The following PER2 variants were observed in gnomAD, a reference collection of about 807,000 sequenced individuals.
PER2 encodes period circadian protein homolog 2.
Under a neutral mutation model 121.0 loss-of-function variants are expected in PER2, and 66 were observed. The ratio of observed to expected loss-of-function variants is 0.55; its 90% CI spans 0.45 to 0.67. The LOEUF is 0.67. PER2 is among the 30% of genes least tolerant of loss of function. The pLI, the probability that PER2 is intolerant of heterozygous loss-of-function variation, is 0.00. For synonymous variants in PER2, 684 were observed against 659.9 expected, an observed-to-expected ratio of 1.04 and a Z score of -0.56; for missense variants, 1,521 against 1,635.0, an observed-to-expected ratio of 0.93 and a Z score of 1.20.
rs1695649140 is a variant in PER2 at position 238,252,983 on chromosome 2, C to G, written c.3040G>C (p.Glu1014Gln). The G allele has an allele frequency of 6.2e-7, 1 of 1,614,044 alleles. No homozygotes were observed. The highest frequency in any genetic ancestry group is 8.5e-7 in the Non-Finnish European group (1 of 1,180,030). ...TGAMGTTGAT[E>Q]TAAVGADCKP... ...CAGTCCGCCCCTACAGCTGCTGTCT[C>G]TGTGGCCCCTGTGGTCCCCATGGCT... The change falls in exon 19 of 23, where the codon GAG becomes CAG. Residue 1014 changes from glutamate to glutamine, a missense_variant. Glu to Gln is a conservative substitution (Grantham distance 29). Coordinates refer to ENST00000254657, the MANE Select transcript of PER2 (RefSeq NM_022817.3). This position sits in a 1 kb window ranked among gnomAD's most constrained non-coding sequence, Gnocchi z 4.2.
rs377117448 is a variant in PER2 at position 238,260,951 on chromosome 2, G to A, written c.1419C>T (p.Pro473=). The change falls in exon 13 of 23, where the codon CCC becomes CCT. Residue 473 remains proline, a splice_region_variant and synonymous_variant. Transcript: ENST00000254657. ...TEQIHRLLLQ[P]VPHSGSSGYG... ...AGCCACTGGAGCCGCTGTGGGGGAC[G>A]GGCTGGGGAGACAGCAGACAGCGCT... 1.4e-5 allele frequency: 22 copies of A among 1,612,546 alleles called. No homozygotes were observed. Among genetic ancestry groups the A allele is most frequent in the African/African-American group, 6.7e-5 (5 of 74,930 alleles).
rs1364593922 is a variant in PER2 at position 238,252,474 on chromosome 2, CTG to C, written c.3111+436_3111+437del. Among the ~76,000 whole-genome samples the C allele has an allele frequency of 6.6e-6, 1 of 152,252 alleles. No homozygotes were observed. Among genetic ancestry groups the C allele is most frequent in the East Asian group, 1.9e-4 (1 of 5,208 alleles). On this transcript the variant is annotated intron_variant, in intron 19 of 22. Transcript: ENST00000254657. This position sits in a 1 kb window ranked among gnomAD's most constrained non-coding sequence, Gnocchi z 4.2. The stretch of plus-strand genomic sequence containing the variant: ...TCCCTACGCCTGCGGAGGATGGAAA[CTG>C]AGGTCACGCTGGTTTTAGGGCTGTG...
chr2:238,281,814 G>A (rs1183024600), intron 1 of PER2, among the ~76,000 whole-genome samples: 1 of 152,214 alleles, frequency 6.6e-6, no homozygotes, highest in Non-Finnish European at 1.5e-5. Context: ...TGAGTTCCCA[G>A]CAACATTTAT....
At position 238,277,908 on chromosome 2, in the gene PER2, C is replaced by T; in HGVS notation, c.29G>A (p.Ser10Asn). The T allele has an allele frequency of 6.2e-7, 1 of 1,613,956 alleles. No homozygotes were observed. Among genetic ancestry groups the T allele is most frequent in the Non-Finnish European group, 8.5e-7 (1 of 1,180,030 alleles). MNGYAEFPP[S>N]PSNPTKEPVE... ...GGGCTCCTTGGTGGGGTTACTGGGG[C>T]TGGGCGGAAATTCCGCGTATCCATT... The change falls in exon 2 of 23, where the codon AGC becomes AAC. Residue 10 changes from serine to asparagine, a missense_variant. Coordinates refer to ENST00000254657, the MANE Select transcript of PER2 (RefSeq NM_022817.3).
the PER2 span, among the ~76,000 whole-genome samples, chr2:238,295,171 C>T: frequency 6.6e-6 from 1 of 152,194 alleles, no homozygotes; most frequent in Non-Finnish European, 1.5e-5. Context: ...ATCACTTGTC[C>T]CTAAACGGAG....
intron 21 of PER2, 139 bp downstream of exon 21, chr2:238,250,412 G>C (rs530956998): frequency 7.1e-6 from 5 of 699,768 alleles, no homozygotes; most frequent in East Asian, 5.4e-5. Flanking sequence ...AGGGAAGCCT[G>C]CTTCTCTGCT....
intron 4 of PER2, among the ~76,000 whole-genome samples, chr2:238,273,753 C>G (rs1048039412): frequency 6.6e-6 from 1 of 152,192 alleles, no homozygotes; most frequent in Non-Finnish European, 1.5e-5. Context: ...GCAACCTCCA[C>G]CTCCCAGGGG....
At chr2:238,288,693 C>G (rs571139578), upstream of PER2, 5 of 151,312 alleles carry the variant, frequency 3.3e-5, no homozygotes, top group East Asian at 7.8e-4. Context: ...CGCCGACTCG[C>G]GGCTCTGTCC....
Position 238,253,725 on chromosome 2 carries a change from C to T in PER2, c.2321-23G>A, listed in dbSNP as rs200317411. The T allele has an allele frequency of 2.1e-5, 33 of 1,557,932 alleles. No homozygotes were observed. In the East Asian group the frequency reaches 3.2e-4, roughly 15 times the overall value. On this transcript the variant is annotated intron_variant, in intron 18 of 22. Coordinates refer to ENST00000254657, the MANE Select transcript of PER2 (RefSeq NM_022817.3). This position sits in a 1 kb window ranked among gnomAD's most constrained non-coding sequence, Gnocchi z 5.6. Reference sequence around the variant, plus strand: ...CAGCTAATGCAGAAAAACAAATACTCGGAGTTAAAATTTTAACTCCAAATT... The same window carrying T: ...CAGCTAATGCAGAAAAACAAATACTTGGAGTTAAAATTTTAACTCCAAATT...
At chr2:238,298,184 G>A in the PER2 span, among the ~76,000 whole-genome samples, 122 of 152,070 alleles carry the variant, frequency 8.0e-4, 1 homozygote, top group African/African-American at 2.8e-3. Context: ...ACAGGCGCCC[G>A]CCACCACGCC....
chr2:238,266,194 C>A (rs529904254), intron 8 of PER2, among the ~76,000 whole-genome samples: 1 of 152,146 alleles, frequency 6.6e-6, no homozygotes, highest in East Asian at 1.9e-4. Flanking sequence ...TGAGCCACTG[C>A]GCCCGGCCCC....
At chr2:238,277,103 C>G (rs977887820) in intron 3 of PER2, 28 bp downstream of exon 3, 1 of 1,511,348 alleles carries the variant, frequency 6.6e-7, no homozygotes, top group Non-Finnish European at 9.2e-7. Flanking sequence ...TCTAAAACCT[C>G]TATGTATGAA....
intron 5 of PER2, among the ~76,000 whole-genome samples, 178 bp from the exon 6 acceptor site, chr2:238,271,691 G>GC (rs1309212338): frequency 6.6e-6 from 1 of 152,146 alleles, no homozygotes; most frequent in Non-Finnish European, 1.5e-5. Flanking sequence ...CAGAGCAGGA[G>GC]CATCGCCATC....
intron 5 of PER2, among the ~76,000 whole-genome samples, chr2:238,272,419 T>C (rs1696317368): frequency 6.6e-6 from 1 of 152,194 alleles, no homozygotes; most frequent in South Asian, 2.1e-4. Flanking sequence ...CAGCCCACCA[T>C]GGGCGCTCTA....
In PER2 at chr2:238,273,178, A is replaced by G. The variant is rs1168434592; in HGVS notation, c.462T>C (p.Tyr154=). 11 of 1,613,762 alleles carry G rather than the reference A, an allele frequency of 6.8e-6. No homozygotes were observed. Among genetic ancestry groups the G allele is most frequent in the South Asian group, 1.1e-5 (1 of 91,024 alleles). The change falls in exon 5 of 23, where the codon TAT becomes TAC. Residue 154 remains tyrosine (Y), a synonymous_variant. Coordinates refer to ENST00000254657, the MANE Select transcript of PER2 (RefSeq NM_022817.3). ...CCTCGCTGGACATCAGCAGCTGGTA[A>G]TACTCTTCATTGGCTGCAGGAGAGA... ...SVKQVKANEE[Y]YQLLMSSEGH...
At chr2:238,294,616 T>C (rs994131240), upstream of PER2, among the ~76,000 whole-genome samples, 1 of 152,232 alleles carries the variant, frequency 6.6e-6, no homozygotes, top group Non-Finnish European at 1.5e-5. Flanking sequence ...TGCATTCCAT[T>C]GTCCCTTTGC....
intron 1 of PER2, among the ~76,000 whole-genome samples, chr2:238,287,450 C>G (rs555865701): frequency 4.1e-4 from 63 of 152,360 alleles, no homozygotes; most frequent in African/African-American, 1.4e-3. Flanking sequence ...AGAAGTCTAG[C>G]AGTCCTGCTG....
chr2:238,256,052 C>T (rs2106370936), intron 17 of PER2, 141 bp from the exon 18 acceptor site: 3 of 1,101,120 alleles, frequency 2.7e-6, no homozygotes, highest in African/African-American at 1.6e-5. Flanking sequence ...AGACTCACAG[C>T]GTTTTCATTT....
rs1042618929 is a variant in PER2 at position 238,275,684 on chromosome 2, T to C, written c.448+59A>G. ...AAGTCAACACAATCCAAGCTATAAT[T>C]TGGGGGGATTTAAAACATATTTCTA... On this transcript the variant is annotated intron_variant, in intron 4 of 22. Transcript: ENST00000254657. 160 of 1,539,452 alleles carry C rather than the reference T, an allele frequency of 1.0e-4. 1 individual carries two copies. Among genetic ancestry groups the C allele is most frequent in the Admixed American group, 2.7e-4 (16 of 59,920 alleles).
Sources: allele counts gnomAD v4.1 joint callset (sites outside exome capture counted in the v4.1 genomes callset), GRCh38; gene constraint gnomAD v4.1.1; non-coding constraint Gnocchi (gnomAD v3.1); transcripts MANE v1.5; gene names NCBI Gene and HGNC (gene_info 2026-07-23, HGNC 2026-07-21).